The following CDH4 variants were observed in gnomAD, a reference collection of about 807,000 sequenced individuals.
The protein encoded by CDH4 is cadherin-4.
A neutral mutation model predicts 86.0 loss-of-function variants in CDH4; 33 were observed. The ratio of observed to expected loss-of-function variants is 0.38; its 90% CI spans 0.29 to 0.51. CDH4 has a LOEUF of 0.51. Among genes scored for constraint, CDH4 ranks in the 20% least tolerant of loss-of-function variants. CDH4 has a pLI of 0.86. For missense variants in CDH4, 1,114 were observed against 1,307.4 expected (o/e 0.85, Z 2.28); for synonymous variants, 555 against 549.4 (o/e 1.01, Z -0.14).
Position 61,658,250 on chromosome 20 carries a change from T to C in CDH4, c.170-85313T>C, listed in dbSNP as rs74937651. Among the ~76,000 whole-genome samples, 458 of 151,804 alleles carry C rather than the reference T, an allele frequency of 3.0e-3. 3 individuals are homozygous for C. Among genetic ancestry groups the C allele is most frequent in the Non-Finnish European group, 4.8e-3 (328 of 67,902 alleles). On this transcript the variant is annotated intron_variant, in intron 2 of 15. Transcript: ENST00000614565. The stretch of plus-strand genomic sequence containing the variant: ...CAGATCTCTATTAAAGAGGGCTCCA[T>C]CGCACCTGCAACCCCCGAGTCACCA...
chr20:61,398,274 G>A (rs1488254423), intron 2 of CDH4, among the ~76,000 whole-genome samples: 5 of 152,196 alleles, frequency 3.3e-5, no homozygotes, highest in Admixed American at 2.6e-4. Context: ...GCTTATGCAC[G>A]GAAGGGACAA....
At chr20:61,744,301 G>A (rs903405196) in intron 3 of CDH4, among the ~76,000 whole-genome samples, 2 of 151,736 alleles carry the variant, frequency 1.3e-5, no homozygotes, top group Non-Finnish European at 2.9e-5. Flanking sequence ...AAGAGAATGA[G>A]AGAGGGATGG....
At chr20:61,931,758 T>C (rs549754011) in intron 13 of CDH4, among the ~76,000 whole-genome samples, 2 of 152,200 alleles carry the variant, frequency 1.3e-5, no homozygotes, top group South Asian at 4.2e-4. Context: ...GCAAGGCTGT[T>C]TAGGGGAGCC....
chr20:61,477,459 G>A (rs2085544425), intron 2 of CDH4, among the ~76,000 whole-genome samples: 1 of 152,216 alleles, frequency 6.6e-6, no homozygotes, highest in Non-Finnish European at 1.5e-5. Context: ...CAGCAGAAAC[G>A]AAGTCTCATG....
At chr20:61,851,089 G>C (rs557636287) in intron 5 of CDH4, among the ~76,000 whole-genome samples, 120 of 152,362 alleles carry the variant, frequency 7.9e-4, no homozygotes, top group African/African-American at 2.8e-3. Context: ...GGTCGGGGAT[G>C]GGGGAGTCTG....
intron 2 of CDH4, among the ~76,000 whole-genome samples, chr20:61,546,068 G>C (rs1298665481): frequency 0.031 from 28 of 912 alleles, 6 homozygotes; most frequent in African/African-American, 0.04. Context: ...TGCATGTGTG[G>C]AGGGGGTTTG....
rs150772810 is a variant in CDH4, at chr20:61,918,667, C to T, written c.1375-4784C>T. 9.0e-4 allele frequency among the ~76,000 whole-genome samples: 137 copies of T among 152,256 alleles called. 1 individual carries two copies. Among genetic ancestry groups the T allele is most frequent in the African/African-American group, 3.0e-3 (125 of 41,544 alleles). ...CACCCCTGGGGAGGATGAGGGCTCA[C>T]CTAAGCGTGGTGTCGCGGTGATTGC... On this transcript the variant is annotated intron_variant, in intron 9 of 15. Coordinates refer to ENST00000614565, the MANE Select transcript of CDH4 (RefSeq NM_001794.5).
chr20:61,338,268 G>A (rs1186133708), intron 2 of CDH4, among the ~76,000 whole-genome samples: 1 of 151,842 alleles, frequency 6.6e-6, no homozygotes, highest in Non-Finnish European at 1.5e-5. Flanking sequence ...CTTTAACTTG[G>A]GAGATTGGGA....
At chr20:61,412,599 G>A (rs1358087905) in intron 2 of CDH4, among the ~76,000 whole-genome samples, 1 of 152,176 alleles carries the variant, frequency 6.6e-6, no homozygotes, top group Non-Finnish European at 1.5e-5. Context: ...GACATCCTGA[G>A]ACATAGTTAG....
chr20:61,327,276 T>C (rs2084541847), intron 2 of CDH4, among the ~76,000 whole-genome samples: 1 of 152,202 alleles, frequency 6.6e-6, no homozygotes, highest in Admixed American at 6.5e-5. Flanking sequence ...TAGAAATAAA[T>C]AGAAACCTGA....
chr20:61,896,205 G>A (rs903962416), intron 8 of CDH4, among the ~76,000 whole-genome samples: 1 of 152,216 alleles, frequency 6.6e-6, no homozygotes, highest in African/African-American at 2.4e-5. Context: ...TCTGATCCCA[G>A]CCAACCCCGA....
intron 6 of CDH4, among the ~76,000 whole-genome samples, chr20:61,857,594 A>C (rs1600716072): frequency 6.6e-6 from 1 of 152,056 alleles, no homozygotes; most frequent in Non-Finnish European, 1.5e-5. Context: ...CGCAGCCCTC[A>C]CTCCGTCCAC....
chr20:61,271,651 G>T (rs1474412010), intron 2 of CDH4, among the ~76,000 whole-genome samples: 1 of 152,206 alleles, frequency 6.6e-6, no homozygotes, highest in Non-Finnish European at 1.5e-5. Flanking sequence ...TCTTACAGCG[G>T]TGCGTGAAGC....
chr20:61,370,971 T>C (rs1179848053), intron 2 of CDH4: 1 of 152,238 alleles, frequency 6.6e-6, no homozygotes, highest in African/African-American at 2.4e-5. Flanking sequence ...CTCAGCGCTC[T>C]GGGCAGGGGT....
chr20:61,708,438 C>T lies in CDH4; in HGVS notation c.170-35125C>T, dbSNP rs1435597627. 1.3e-5 allele frequency among the ~76,000 whole-genome samples: 2 copies of T among 152,124 alleles called. No homozygotes were observed. Among genetic ancestry groups the T allele is most frequent in the Admixed American group, 1.3e-4 (2 of 15,284 alleles). ...ACAGGCTTCCCAGCCAGGGCGACTG[C>T]AGCATCCACCTCCTGCCACAGTCAG... On this transcript the variant is annotated intron_variant, in intron 2 of 15. Transcript: ENST00000614565. The surrounding 1 kb of genome is among the most constrained non-coding windows in gnomAD (Gnocchi z 4.5).
rs1397937467 is a variant in CDH4, at chr20:61,517,570, A to G, written c.170-225993A>G. On this transcript the variant is annotated intron_variant, in intron 2 of 15. Coordinates refer to ENST00000614565, the MANE Select transcript of CDH4 (RefSeq NM_001794.5). The surrounding 1 kb of genome is among the most constrained non-coding windows in gnomAD (Gnocchi z 6.6). ...CCCCCAGTGGAGGATGAATTCAAGC[A>G]CAATTCCTGCCTTCTTCACTCCTGA... is the stretch of plus-strand genomic sequence containing the variant. Among the ~76,000 whole-genome samples, 1 of 152,090 alleles carries G rather than the reference A, an allele frequency of 6.6e-6. No homozygotes were observed. Among genetic ancestry groups the G allele is most frequent in the Non-Finnish European group, 1.5e-5 (1 of 68,022 alleles).
At chr20:61,508,736 G>A (rs747317170) in intron 2 of CDH4, among the ~76,000 whole-genome samples, 1 of 152,224 alleles carries the variant, frequency 6.6e-6, no homozygotes, top group Non-Finnish European at 1.5e-5. Context: ...AGCCTGGGTG[G>A]CCACCGGGAT....
chr20:61,362,468 G>T (rs112977494), intron 2 of CDH4, among the ~76,000 whole-genome samples: 24,298 of 147,796 alleles, frequency 0.16, 1,830 homozygotes, highest in East Asian at 0.29. Context: ...CTAGGACAGC[G>T]TAGGGGAGAG....
intron 2 of CDH4, among the ~76,000 whole-genome samples, chr20:61,382,803 C>A (rs994355601): frequency 1.3e-5 from 2 of 152,034 alleles, no homozygotes; most frequent in African/African-American, 4.8e-5. Flanking sequence ...TACTCAGTGC[C>A]AGGGAGTTAG....
Sources: gnomAD v4.1 joint callset for allele counts (sites outside exome capture counted in the v4.1 genomes callset) on GRCh38, gnomAD v4.1.1 for gene constraint, Gnocchi (gnomAD v3.1) non-coding constraint, MANE v1.5 for transcripts, NCBI Gene and HGNC (gene_info 2026-07-23, HGNC 2026-07-21) for gene names.